HSPG2: variants seen among roughly 807,000 people sequenced by gnomAD.
HSPG2 encodes the protein heparan sulfate proteoglycan 2.
Under a neutral mutation model 526.6 loss-of-function variants are expected in HSPG2, and 278 were observed. The ratio of observed to expected loss-of-function variants is 0.53; its 90% confidence interval spans 0.48 to 0.58. HSPG2 has a LOEUF of 0.58. Ranked by LOEUF, HSPG2 falls within the 20% of genes least tolerant of loss-of-function variation. The pLI is 0.00. For missense variants in HSPG2, 5,354 were observed against 6,099.5 expected, an observed-to-expected ratio of 0.88 and a Z score of 4.07; for synonymous variants, 2,465 against 2,555.4, an observed-to-expected ratio of 0.96 and a Z score of 1.07.
intron 85 of HSPG2, chr1:21,830,724 G>T: frequency 1.9e-6 from 1 of 517,178 alleles, no homozygotes. Flanking sequence ...ATGGGCTGGG[G>T]GTGGGGGAGT....
intron 1 of HSPG2, among the ~76,000 whole-genome samples, chr1:21,902,303 C>T (rs1365547168): frequency 6.6e-6 from 1 of 152,176 alleles, no homozygotes; most frequent in Non-Finnish European, 1.5e-5. Flanking sequence ...CACAGGGGCC[C>T]CCAAGGTGGC....
chr1:21,912,621 G>T (rs982806098), intron 1 of HSPG2, among the ~76,000 whole-genome samples: 1 of 152,102 alleles, frequency 6.6e-6, no homozygotes, highest in Non-Finnish European at 1.5e-5. Context: ...TGACACTTCC[G>T]GCTGCTGGGG....
rs1287909469 is a variant in HSPG2, at chr1:21,839,062, G to T, written c.9913C>A (p.Pro3305Thr). 1.9e-5 allele frequency: 30 copies of T among 1,588,912 alleles called. No individual in the cohort carries two copies. The highest frequency in any genetic ancestry group is 2.5e-5 in the Non-Finnish European group (29 of 1,162,152). ...VESPPYATTVPEHASVQAGET... is the reference protein window; with the variant it reads ...VESPPYATTVTEHASVQAGET... ...CCTGCCTGCACCGAAGCGTGCTCTG[G>T]GACCGTGGTGGCATATGGTGGGCCT... is the stretch of plus-strand genomic sequence containing the variant. Residue 3305 changes from proline (P) to threonine (T), a missense_variant, in exon 74 of 97, where the codon CCA (proline) becomes ACA (threonine). Transcript: ENST00000374695. The surrounding 1 kb of genome is among the most constrained non-coding windows in gnomAD (Gnocchi z 4.5).
At chr1:21,917,732 A>C (rs1005944882) in intron 1 of HSPG2, among the ~76,000 whole-genome samples, 1 of 152,046 alleles carries the variant, frequency 6.6e-6, no homozygotes, top group African/African-American at 2.4e-5. Context: ...CCTTCGAGCT[A>C]ATCTATTCAT....
chr1:21,823,940 C>A (rs2097960056), intron 95 of HSPG2, 181 bp downstream of exon 95: 3 of 760,032 alleles, frequency 3.9e-6, no homozygotes, highest in Non-Finnish European at 6.7e-6. Context: ...CACTCGCCTG[C>A]CCCCAGCGGA....
In HSPG2 at chr1:21,834,703, A is replaced by G. The variant is rs1454373711; in HGVS notation, c.10696T>C (p.Ser3566Pro). The G allele has an allele frequency of 1.2e-6, 2 of 1,614,052 alleles. No homozygotes were observed. The highest frequency in any genetic ancestry group is 1.7e-6 in the Non-Finnish European group (2 of 1,180,042). The change falls in exon 77 of 97, where the codon TCC (serine) becomes CCC (proline). Residue 3566 changes from serine (S) to proline (P), a missense_variant. Coordinates refer to ENST00000374695, the MANE Select transcript of HSPG2 (RefSeq NM_005529.7). ...CCTTGCACAAGCAGCAGGACGTGGGATTGTGTGGTGCCAGCTGCGTTGGTG... is the reference window on the plus strand; with the variant it reads ...CCTTGCACAAGCAGCAGGACGTGGGGTTGTGTGGTGCCAGCTGCGTTGGTG... ...TATNAAGTTQ[S>P]HVLLLVQALP...
In HSPG2 at chr1:21,885,110, G is replaced by T. The variant is rs756956990; in HGVS notation, c.1258C>A (p.Arg420=). The part of the protein sequence containing the change: ...TPPRESIQAS[R]GQTVTFTCVA... ...CAGGTGAAGGTCACTGTCTGGCCCC[G>T]GGAAGCCTGGATGGACTCCCGGGGA... Residue 420 remains arginine, a synonymous_variant, in exon 11 of 97, where the codon CGG becomes AGG. Coordinates refer to ENST00000374695, the MANE Select transcript of HSPG2 (RefSeq NM_005529.7). The T allele has an allele frequency of 2.5e-6, 4 of 1,612,848 alleles. No homozygotes were observed. In the African/African-American group the frequency reaches 5.3e-5, roughly 22 times the overall value.
Position 21,864,055 on chromosome 1 carries a change from G to A in HSPG2, c.4740+45C>T, listed in dbSNP as rs766087102. On this transcript the variant is annotated intron_variant, in intron 37 of 96. Coordinates refer to ENST00000374695, the MANE Select transcript of HSPG2 (RefSeq NM_005529.7). This position sits in a 1 kb window ranked among gnomAD's most constrained non-coding sequence, Gnocchi z 4.8. ...TGTCCAGCCCTGGTCCCCCACCCAGGCCCAGCTGAGCTGACCCCCTGTCCT... is the reference window on the plus strand; with the variant it reads ...TGTCCAGCCCTGGTCCCCCACCCAGACCCAGCTGAGCTGACCCCCTGTCCT... The A allele has an allele frequency of 1.3e-5, 19 of 1,437,742 alleles. No homozygotes were observed. The highest frequency in any genetic ancestry group is 2.3e-4 in the Middle Eastern group (1 of 4,328). The allele number at this position is 1,437,742 out of a possible 1,614,324, so 89.1% of individuals were successfully genotyped here.
rs573267108 is a variant in HSPG2, at chr1:21,843,230, A to T, written c.8758+67T>A. 68 of 1,602,444 alleles carry T rather than the reference A, an allele frequency of 4.2e-5. 2 individuals carry two copies. In the South Asian group the frequency reaches 7.0e-4, roughly 17 times the overall value. Reference sequence around the variant, plus strand: ...TAAGTGCCCGGCTGGGAGAGAGGAGAGGAGCAGAGCTGGGAAGGAGCCCCG... The same window carrying T: ...TAAGTGCCCGGCTGGGAGAGAGGAGTGGAGCAGAGCTGGGAAGGAGCCCCG... On this transcript the variant is annotated intron_variant, in intron 66 of 96. Transcript: ENST00000374695.
At position 21,880,486 on chromosome 1, in the gene HSPG2, G is replaced by T. The variant is rs1030255001; in HGVS notation, c.2072C>A (p.Ala691Asp). The change falls in exon 16 of 97, where the codon GCC becomes GAC. Residue 691 changes from alanine (A) to aspartate (D), a missense_variant. Ala to Asp is a moderately radical substitution (Grantham distance 126). Coordinates refer to ENST00000374695, the MANE Select transcript of HSPG2 (RefSeq NM_005529.7). ...GTTGTACACGGTCTGGATGAGCACG[G>T]CCTCCAGGCTCTGCAGCACCTGCAG... Reference protein sequence around the residue: ...ELLQVLQSLEAVLIQTVYNTK... With the variant: ...ELLQVLQSLEDVLIQTVYNTK... 3 of 1,613,644 alleles carry T rather than the reference G, an allele frequency of 1.9e-6. No homozygotes were observed. In the African/African-American group the frequency reaches 4.0e-5, roughly 22 times the overall value.
At position 21,875,926 on chromosome 1, in the gene HSPG2, C is replaced by T. The variant is rs1411863240; in HGVS notation, c.3120G>A (p.Glu1040=). The T allele has an allele frequency of 4.3e-6, 7 of 1,614,062 alleles. No homozygotes were observed. Among genetic ancestry groups the T allele is most frequent in the Non-Finnish European group, 5.1e-6 (6 of 1,180,044 alleles). The change falls in exon 24 of 97, where the codon GAG becomes GAA. Residue 1040 remains glutamate, a synonymous_variant. Transcript: ENST00000374695. ...GGCTGGGCTCCTGGGCCACATGGTG[C>T]TCTAGGATGATGTTGTTACCTTGCA... The part of the protein sequence containing the change: ...VVLQGNNIIL[E]HHVAQEPSPG...
At position 21,859,058 on chromosome 1, in the gene HSPG2, AT is replaced by A. The variant is rs1253000879; in HGVS notation, c.5293+507del. On this transcript the variant is annotated intron_variant, in intron 42 of 96. Coordinates refer to ENST00000374695, the MANE Select transcript of HSPG2 (RefSeq NM_005529.7). The surrounding 1 kb of genome is among the most constrained non-coding windows in gnomAD (Gnocchi z 5.3). ...GACTCTGAGGTGCATTATTATTATT[AT>A]TTTTTTAAGACAGAGTCTTGCTCTG... Among the ~76,000 whole-genome samples, 1 of 151,724 alleles carries A rather than the reference AT, an allele frequency of 6.6e-6. No individual in the cohort carries two copies. The highest frequency in any genetic ancestry group is 1.5e-5 in the Non-Finnish European group (1 of 67,954).
At chr1:21,869,558 G>T in intron 33 of HSPG2, 1 of 987,068 alleles carries the variant, frequency 1.0e-6, no homozygotes, top group Middle Eastern at 4.6e-4. Context: ...GCAGCTGCAG[G>T]CTGGGGATGA....
chr1:21,935,979 G>A (rs576055850), intron 1 of HSPG2, among the ~76,000 whole-genome samples: 3 of 152,264 alleles, frequency 2.0e-5, no homozygotes, highest in South Asian at 2.1e-4. Flanking sequence ...TGACTCAGGA[G>A]GGTAGAGGTG....
At chr1:21,927,629 C>T (rs760045632) in intron 1 of HSPG2, among the ~76,000 whole-genome samples, 4 of 152,188 alleles carry the variant, frequency 2.6e-5, no homozygotes, top group Non-Finnish European at 4.4e-5. Flanking sequence ...AGCCCACCAA[C>T]TGCACACATC....
chr1:21,879,247 G>A (rs1213969771), intron 17 of HSPG2, 126 bp from the exon 18 acceptor site: 34 of 1,085,016 alleles, frequency 3.1e-5, no homozygotes, highest in Admixed American at 5.8e-5. Context: ...GCAGACAGGG[G>A]AGCATCAACT....
At position 21,884,861 on chromosome 1, in the gene HSPG2, C is replaced by T. The variant is rs1641768435; in HGVS notation, c.1413G>A (p.Glu471=). Residue 471 remains glutamate (E), a synonymous_variant, in exon 12 of 97, where the codon GAG becomes GAA. Coordinates refer to ENST00000374695, the MANE Select transcript of HSPG2 (RefSeq NM_005529.7). ...RGTLIIRDVK[E]SDQGAYTCEA... Reference sequence around the variant, plus strand: ...CACAGGTGTAGGCACCCTGGTCTGACTCCTTCACATCACGGATGATCAGTG... The same window carrying T: ...CACAGGTGTAGGCACCCTGGTCTGATTCCTTCACATCACGGATGATCAGTG... 2 of 1,614,008 alleles carry T rather than the reference C, an allele frequency of 1.2e-6. No homozygotes were observed. Among genetic ancestry groups the T allele is most frequent in the South Asian group, 2.2e-5 (2 of 91,092 alleles).
intron 1 of HSPG2, among the ~76,000 whole-genome samples, chr1:21,933,420 GCAGA>G (rs896547525): frequency 6.6e-6 from 1 of 152,094 alleles, no homozygotes; most frequent in African/African-American, 2.4e-5. Flanking sequence ...GAAACTCAGA[GCAGA>G]CAGTGGGTAC....
At chr1:21,855,971 A>G (rs1200225823) in intron 44 of HSPG2, 59 bp from the exon 45 acceptor site, 1 of 1,592,588 alleles carries the variant, frequency 6.3e-7, no homozygotes, top group Non-Finnish European at 8.5e-7. Context: ...TGACTCACAC[A>G]ACAGTCCTGC....
Sources: allele counts gnomAD v4.1 joint callset (sites outside exome capture counted in the v4.1 genomes callset), GRCh38; gene constraint gnomAD v4.1.1; non-coding constraint Gnocchi (gnomAD v3.1); transcripts MANE v1.5; gene names NCBI Gene and HGNC (gene_info 2026-07-23, HGNC 2026-07-21).